The following RTN4 variants were observed in gnomAD, a reference collection of about 807,000 sequenced individuals.
The protein encoded by RTN4 is reticulon-4.
RTN4 carries 32 observed loss-of-function variants against 90.4 expected under a neutral mutation model. That is an observed-to-expected ratio of 0.35 (90% CI 0.27 to 0.48). The LOEUF (loss-of-function observed/expected upper bound fraction) is 0.48, where lower values mean the gene tolerates loss of function less well. Ranked by LOEUF, RTN4 falls within the 20% of genes least tolerant of loss-of-function variation. RTN4 has a pLI of 0.99. For missense variants in RTN4, 1,706 were observed against 1,430.2 expected (o/e 1.19, Z -3.11); for synonymous variants, 629 against 552.5 (o/e 1.14, Z -1.94).
chr2:54,979,995 G>A (rs1409507650), intron 5 of RTN4, among the ~76,000 whole-genome samples: 1 of 152,074 alleles, frequency 6.6e-6, no homozygotes, highest in African/African-American at 2.4e-5. Flanking sequence ...TTTAATGAAA[G>A]TCCTTTTTTT....
the RTN4 span, among the ~76,000 whole-genome samples, chr2:55,133,708 C>A: frequency 6.6e-6 from 1 of 152,110 alleles, no homozygotes; most frequent in Non-Finnish European, 1.5e-5. Context: ...TAGCTCTCAC[C>A]GTCCTTAACA....
At chr2:55,008,367 G>C (rs72795436) in intron 3 of RTN4, among the ~76,000 whole-genome samples, 2,003 of 151,972 alleles carry the variant, frequency 0.013, 22 homozygotes, top group Non-Finnish European at 0.021. Context: ...TTCCATGACA[G>C]CTTCCAACTT....
At chr2:55,007,370 T>G (rs1680304448) in intron 3 of RTN4, among the ~76,000 whole-genome samples, 2 of 152,174 alleles carry the variant, frequency 1.3e-5, no homozygotes, top group Non-Finnish European at 2.9e-5. Context: ...CTAAACCAAC[T>G]GCTATCATTT....
At chr2:55,022,020 C>A (rs1681478529) in intron 3 of RTN4, among the ~76,000 whole-genome samples, 1 of 152,174 alleles carries the variant, frequency 6.6e-6, no homozygotes, top group South Asian at 2.1e-4. Flanking sequence ...TTCCACCATT[C>A]CCATTAAGCT....
chr2:55,054,262 G>T (rs555042989), upstream of RTN4, among the ~76,000 whole-genome samples: 72 of 152,256 alleles, frequency 4.7e-4, no homozygotes, highest in African/African-American at 1.5e-3. Flanking sequence ...TGAAACAGGT[G>T]TGTCTGTAAT....
At chr2:55,061,718 ATTATG>A (rs1249779421) in intron 2 of RTN4, among the ~76,000 whole-genome samples, 1 of 152,190 alleles carries the variant, frequency 6.6e-6, no homozygotes, top group Admixed American at 6.5e-5. Flanking sequence ...TAAAGCTGAA[ATTATG>A]TTATGACAAA....
intron 4 of RTN4, among the ~76,000 whole-genome samples, chr2:54,984,811 A>G (rs1678417969): frequency 6.6e-6 from 1 of 152,216 alleles, no homozygotes; most frequent in Non-Finnish European, 1.5e-5. Context: ...CTTTAAGAAT[A>G]TAAAGTGTTT....
At chr2:55,000,144 T>C (rs1003387083) in intron 3 of RTN4, among the ~76,000 whole-genome samples, 2 of 152,158 alleles carry the variant, frequency 1.3e-5, no homozygotes, top group Non-Finnish European at 2.9e-5. Context: ...TCAAATATTA[T>C]ATGTAATGCT....
intron 1 of RTN4, among the ~76,000 whole-genome samples, chr2:55,094,945 G>A (rs1477858736): frequency 6.6e-6 from 1 of 152,106 alleles, no homozygotes; most frequent in Non-Finnish European, 1.5e-5. Context: ...CATGGTTTCC[G>A]AGTGACCTCC....
chr2:55,100,450 A>T (rs1393551286), intron 1 of RTN4, among the ~76,000 whole-genome samples: 1 of 152,128 alleles, frequency 6.6e-6, no homozygotes, highest in Admixed American at 6.5e-5. Context: ...ATCTTGATCT[A>T]TTCAGCCATT....
At position 55,025,515 on chromosome 2, in the gene RTN4, A is replaced by G; in HGVS notation, c.2584T>C (p.Ser862Pro). The G allele has an allele frequency of 6.2e-7, 1 of 1,613,724 alleles. No homozygotes were observed. The highest frequency in any genetic ancestry group is 8.5e-7 in the Non-Finnish European group (1 of 1,179,786). The change falls in exon 3 of 9, where the codon TCA (serine) becomes CCA (proline). Residue 862 changes from serine to proline, a missense_variant. Coordinates refer to ENST00000337526, the MANE Select transcript of RTN4 (RefSeq NM_020532.5). ...QIRETETFSD[S>P]SPIEIIDEFP... ...TCATCTATAATTTCAATTGGAGATG[A>G]ATCTGAAAACGTTTCAGTTTCTCTT...
upstream of RTN4, among the ~76,000 whole-genome samples, chr2:55,053,697 A>C (rs1668139580): frequency 2.7e-5 from 1 of 37,188 alleles, no homozygotes. Flanking sequence ...AAAAAAAAAC[A>C]AAAAAAAAAA....
At chr2:54,986,541 T>C (rs1409215553) in intron 4 of RTN4, among the ~76,000 whole-genome samples, 2 of 152,188 alleles carry the variant, frequency 1.3e-5, no homozygotes, top group Non-Finnish European at 2.9e-5. Context: ...GAGGAAGCAG[T>C]GGAAAAGAAC....
At chr2:54,991,145 A>C (rs192030190) in intron 3 of RTN4, among the ~76,000 whole-genome samples, 1 of 152,202 alleles carries the variant, frequency 6.6e-6, no homozygotes, top group Admixed American at 6.5e-5. Flanking sequence ...AACTGCTCAG[A>C]AACATTAATT....
In RTN4 at chr2:55,029,105, AC is replaced by A. The variant is rs532822916; in HGVS notation, c.557-886del. 4.2e-4 allele frequency among the ~76,000 whole-genome samples: 64 copies of A among 152,258 alleles called. No homozygotes were observed. The East Asian group carries it at 0.012, about 28-fold the overall frequency. Reference sequence around the variant, plus strand: ...GATTAATGCCCTTACAAGAAGAGACACCAGAGAGCTTGCTGTCATGCTCCCT... The same window carrying A: ...GATTAATGCCCTTACAAGAAGAGACACAGAGAGCTTGCTGTCATGCTCCCT... On this transcript the variant is annotated intron_variant, in intron 1 of 8. Transcript: ENST00000337526.
chr2:55,087,778 A>C (rs1192134334), intron 1 of RTN4, among the ~76,000 whole-genome samples: 2 of 152,046 alleles, frequency 1.3e-5, no homozygotes. Flanking sequence ...TGTTGTACCA[A>C]CTTGACACTG....
At chr2:55,121,186 G>A in the RTN4 span, among the ~76,000 whole-genome samples, 1 of 152,204 alleles carries the variant, frequency 6.6e-6, no homozygotes, top group South Asian at 2.1e-4. Context: ...CATGGGACTG[G>A]AAATAGACCA....
At position 54,973,142 on chromosome 2, in the gene RTN4, T is replaced by G; in HGVS notation, c.*14A>C. 1 of 1,600,096 alleles carries G rather than the reference T, an allele frequency of 6.2e-7. No individual in the cohort carries two copies. Among genetic ancestry groups the G allele is most frequent in the Non-Finnish European group, 8.6e-7 (1 of 1,168,612 alleles). ...CCTTTAAAGATGAACTCCTACTAAT[T>G]ATTTTGGGCGTTTTCATTCAGCTTT... On this transcript the variant is annotated 3_prime_UTR_variant, in exon 9 of 9. Transcript: ENST00000337526.
intron 2 of RTN4, among the ~76,000 whole-genome samples, chr2:55,066,192 TTTGTG>T (rs1317208426): frequency 0.32 from 42,942 of 134,208 alleles, 7,000 homozygotes; most frequent in East Asian, 0.55. Context: ...TGTGTGTGTG[TTTGTG>T]TGTGTGTGTG....
Sources: gnomAD v4.1 joint callset for allele counts (sites outside exome capture counted in the v4.1 genomes callset) on GRCh38, gnomAD v4.1.1 for gene constraint, MANE v1.5 for transcripts, NCBI Gene and HGNC (gene_info 2026-07-23, HGNC 2026-07-21) for gene names.